The following FOCAD variants were observed in gnomAD, a reference collection of about 807,000 sequenced individuals.
The protein encoded by FOCAD is focadhesin.
In FOCAD, 198 loss-of-function variants were observed where a neutral mutation model predicts 225.6. That is an observed-to-expected ratio of 0.88 (90% CI 0.78 to 0.99). The LOEUF is 0.99. FOCAD is among the 50% of genes least tolerant of loss of function. FOCAD has a pLI of 0.00. For missense variants in FOCAD, 2,713 were observed against 2,123.6 expected (o/e 1.28, Z -5.46); for synonymous variants, 897 against 755.0 (o/e 1.19, Z -3.08).
intron 11 of FOCAD, among the ~76,000 whole-genome samples, chr9:20,790,300 A>G (rs952989955): frequency 3.9e-5 from 6 of 152,128 alleles, no homozygotes; most frequent in Non-Finnish European, 7.3e-5. Flanking sequence ...CATTTCCTAT[A>G]AAGGAAAGGT....
intron 37 of FOCAD, among the ~76,000 whole-genome samples, chr9:20,980,998 A>C (rs1292949537): frequency 2.0e-5 from 3 of 152,238 alleles, no homozygotes; most frequent in Non-Finnish European, 4.4e-5. Flanking sequence ...AGAAATTAAT[A>C]GTATCAGATG....
intron 38 of FOCAD, among the ~76,000 whole-genome samples, chr9:20,981,977 G>A (rs1053075509): frequency 2.6e-5 from 4 of 152,170 alleles, no homozygotes; most frequent in Non-Finnish European, 4.4e-5. Context: ...AGGCTCAGAA[G>A]TCCTTACGCT....
intron 1 of FOCAD, among the ~76,000 whole-genome samples, chr9:20,708,166 T>G (rs757864256): frequency 4.1e-4 from 62 of 152,188 alleles, no homozygotes; most frequent in Non-Finnish European, 6.6e-4. Flanking sequence ...CAAAATTTAT[T>G]GATAGTGCCC....
At chr9:20,801,522 G>C (rs533894337) in intron 11 of FOCAD, among the ~76,000 whole-genome samples, 1 of 152,252 alleles carries the variant, frequency 6.6e-6, no homozygotes, top group African/African-American at 2.4e-5. Flanking sequence ...TACAAATACA[G>C]TTATTGAGGC....
chr9:20,823,009 A>G lies in FOCAD; in HGVS notation c.1814A>G (p.Asp605Gly), dbSNP rs752451699. Residue 605 changes from aspartate to glycine, a missense_variant, in exon 15 of 44, where the codon GAT becomes GGT. Physicochemically the swap from Asp to Gly is moderately conservative, Grantham distance 94. Coordinates refer to ENST00000338382, the MANE Select transcript of FOCAD (RefSeq NM_001375567.1). The stretch of plus-strand genomic sequence containing the variant: ...TGTAGGCCATATCAACATGGTGCAG[A>G]TATGTTGGCAGCTATTTCTCAAGTG... ...CKQRPYQHGA[D>G]MLAAISQVLN... 6.2e-7 allele frequency: 1 copy of G among 1,605,410 alleles called. No individual in the cohort carries two copies. The highest frequency in any genetic ancestry group is 1.3e-5 in the African/African-American group (1 of 74,382).
intron 7 of FOCAD, among the ~76,000 whole-genome samples, chr9:20,769,519 C>G (rs1229715253): frequency 6.6e-6 from 1 of 152,198 alleles, no homozygotes; most frequent in African/African-American, 2.4e-5. Flanking sequence ...GACACTCTAC[C>G]ATTTGAATAT....
Position 20,885,182 on chromosome 9 carries a change from C to T in FOCAD, c.2577C>T (p.Ala859=). The change falls in exon 21 of 44, where the codon GCC becomes GCT. Residue 859 remains alanine (A), a synonymous_variant. Coordinates refer to ENST00000338382, the MANE Select transcript of FOCAD (RefSeq NM_001375567.1). ...GAAAACCATTGAACAGACTGATGGCCAGCAGAGGGCGAAGTTTCAAGCAGA... is the reference window on the plus strand; with the variant it reads ...GAAAACCATTGAACAGACTGATGGCTAGCAGAGGGCGAAGTTTCAAGCAGA... ...KDGKPLNRLM[A]SRGRSFKQTS... is the part of the protein sequence containing the mutation. The T allele has an allele frequency of 6.5e-7, 1 of 1,542,142 alleles. No homozygotes were observed. The highest frequency in any genetic ancestry group is 8.8e-7 in the Non-Finnish European group (1 of 1,141,438).
chr9:20,792,087 A>C (rs1820597335), intron 11 of FOCAD, among the ~76,000 whole-genome samples: 1 of 152,210 alleles, frequency 6.6e-6, no homozygotes, highest in African/African-American at 2.4e-5. Flanking sequence ...ACAGTATCTT[A>C]TAAATATTTG....
At chr9:20,740,155 T>C (rs1827490035) in intron 4 of FOCAD, 81 bp from the exon 5 acceptor site, 3 of 917,962 alleles carry the variant, frequency 3.3e-6, no homozygotes, top group Non-Finnish European at 5.1e-6. Flanking sequence ...ATTAAAATTA[T>C]TTTAAAATGA....
At chr9:20,976,577 G>C (rs1421888443) in intron 36 of FOCAD, 29 bp downstream of exon 36, 1 of 1,607,578 alleles carries the variant, frequency 6.2e-7, no homozygotes, top group Non-Finnish European at 8.5e-7. Context: ...TAAGTCTTCA[G>C]ACTTTGATTT....
intron 6 of FOCAD, among the ~76,000 whole-genome samples, chr9:20,763,412 T>G (rs1205187881): frequency 6.6e-6 from 1 of 152,160 alleles, no homozygotes; most frequent in Non-Finnish European, 1.5e-5. Flanking sequence ...ACTATTATTG[T>G]GCCTGTGAAT....
chr9:20,762,794 C>T (rs1225425753), intron 6 of FOCAD, among the ~76,000 whole-genome samples: 2 of 149,218 alleles, frequency 1.3e-5, no homozygotes, highest in African/African-American at 4.9e-5. Context: ...AAGTGCCTAA[C>T]AGGAAAATTT....
intron 35 of FOCAD, among the ~76,000 whole-genome samples, chr9:20,976,091 T>C (rs1230672016): frequency 6.6e-6 from 1 of 152,124 alleles, no homozygotes; most frequent in East Asian, 1.9e-4. Flanking sequence ...AAAGAAATGA[T>C]AAATATTGGA....
intron 11 of FOCAD, among the ~76,000 whole-genome samples, chr9:20,798,321 G>C (rs893234761): frequency 2.6e-5 from 4 of 152,084 alleles, no homozygotes; most frequent in Admixed American, 1.3e-4. Context: ...TTTTGGTTGT[G>C]TCTCTGCCAG....
chr9:20,670,904 G>GT (rs1367344324), intron 2 of FOCAD, among the ~76,000 whole-genome samples: 1 of 152,112 alleles, frequency 6.6e-6, no homozygotes, highest in Non-Finnish European at 1.5e-5. Flanking sequence ...CATTAACTGA[G>GT]TTGTACCTCT....
intron 15 of FOCAD, among the ~76,000 whole-genome samples, chr9:20,853,998 C>T (rs1463366383): frequency 1.3e-5 from 2 of 151,674 alleles, no homozygotes; most frequent in Non-Finnish European, 3.0e-5. Context: ...GCTGAATTAG[C>T]TTAAGAGGGC....
chr9:20,670,720 G>C (rs7873117), intron 2 of FOCAD, among the ~76,000 whole-genome samples: 124,412 of 152,120 alleles, frequency 0.82, 50,934 homozygotes, highest in South Asian at 0.87. Context: ...CATATCATCT[G>C]TATTTTATAA....
At chr9:20,876,260 G>T (rs1986633) in intron 19 of FOCAD, among the ~76,000 whole-genome samples, 5 of 151,788 alleles carry the variant, frequency 3.3e-5, no homozygotes, top group African/African-American at 9.7e-5. Context: ...AGAGTCTAAG[G>T]CCTCCCTGAA....
chr9:20,941,309 C>T (rs966644897), intron 28 of FOCAD, among the ~76,000 whole-genome samples: 1 of 152,130 alleles, frequency 6.6e-6, no homozygotes, highest in Non-Finnish European at 1.5e-5. Flanking sequence ...TCCTCACAGC[C>T]GTAACTGTAG....
Sources: gnomAD v4.1 joint callset for allele counts (sites outside exome capture counted in the v4.1 genomes callset) on GRCh38, gnomAD v4.1.1 for gene constraint, MANE v1.5 for transcripts, NCBI Gene and HGNC (gene_info 2026-07-23, HGNC 2026-07-21) for gene names.